The following SPMAP2 variants were observed in gnomAD, a reference collection of about 807,000 sequenced individuals.
SPMAP2 encodes the protein sperm microtubule associated protein 2.
At chr19:363,439 C>T in the SPMAP2 span, among the ~76,000 whole-genome samples, 52 of 152,218 alleles carry the variant, frequency 3.4e-4, no homozygotes, top group African/African-American at 7.5e-4. Flanking sequence ...GCGATCCGCC[C>T]GCCTCAGCCT....
At chr19:373,425 C>T in the SPMAP2 span, 801 of 1,601,448 alleles carry the variant, frequency 5.0e-4, 2 homozygotes, top group African/African-American at 8.1e-3. Flanking sequence ...CCCTGGAGGC[C>T]GGCAGCCGGG....
At chr19:375,481 G>A in the SPMAP2 span, among the ~76,000 whole-genome samples, 22 of 152,248 alleles carry the variant, frequency 1.4e-4, no homozygotes, top group South Asian at 4.2e-4. Context: ...GGTGCTGGCC[G>A]CCAACCGACC....
chr19:375,677 G>T, the SPMAP2 span: 1 of 1,583,684 alleles, frequency 6.3e-7, no homozygotes, highest in Non-Finnish European at 8.6e-7. Context: ...TTTCAGGAAT[G>T]TCCTCTTCCA....
chr19:374,192 C>G, the SPMAP2 span: 2 of 1,543,244 alleles, frequency 1.3e-6, no homozygotes, highest in Non-Finnish European at 1.8e-6. Context: ...GATGTGGTGG[C>G]AGCTGGGGGA....
chr19:369,569 C>T, the SPMAP2 span, among the ~76,000 whole-genome samples: 4 of 152,136 alleles, frequency 2.6e-5, no homozygotes, highest in East Asian at 1.9e-4. Flanking sequence ...TCTCCCCACC[C>T]GGAGAATGCA....
chr19:373,615 G>A, the SPMAP2 span: 7 of 1,387,286 alleles, frequency 5.0e-6, no homozygotes, highest in African/African-American at 1.5e-5. Flanking sequence ...TGCCAGGAGG[G>A]TGGCCGAGGT....
chr19:368,552 C>T, the SPMAP2 span, among the ~76,000 whole-genome samples: 2 of 152,166 alleles, frequency 1.3e-5, no homozygotes, highest in African/African-American at 2.4e-5. The surrounding 1 kb of genome is among the most constrained non-coding windows in gnomAD (Gnocchi z 4.1). Context: ...GGCCGACCCA[C>T]GCCTAACTGG....
chr19:373,454 C>T, the SPMAP2 span: 2 of 1,612,752 alleles, frequency 1.2e-6, no homozygotes. Flanking sequence ...TCTCAGCAGG[C>T]ACGGGCTCCA....
the SPMAP2 span, chr19:362,052 G>T: frequency 2.0e-6 from 1 of 497,582 alleles, no homozygotes; most frequent in Non-Finnish European, 3.4e-6. Context: ...TGGACAAGTC[G>T]CAGGTTGGAT....
At chr19:362,393 T>A in the SPMAP2 span, 1 of 1,608,248 alleles carries the variant, frequency 6.2e-7, no homozygotes, top group Non-Finnish European at 8.5e-7. Flanking sequence ...AGGATCTCGG[T>A]CAGGAACGCA....
At chr19:373,557 A>G in the SPMAP2 span, 1 of 1,609,702 alleles carries the variant, frequency 6.2e-7, no homozygotes, top group Non-Finnish European at 8.5e-7. Flanking sequence ...GGCTCAGGGC[A>G]AGGGAGGCAG....
the SPMAP2 span, among the ~76,000 whole-genome samples, chr19:375,136 C>T: frequency 1.3e-5 from 2 of 152,134 alleles, no homozygotes; most frequent in Non-Finnish European, 2.9e-5. Flanking sequence ...ATGTAGAGTG[C>T]GCGCCTTGCT....
chr19:373,852 G>C, the SPMAP2 span: 1 of 1,237,062 alleles, frequency 8.1e-7, no homozygotes, highest in Non-Finnish European at 1.2e-6. Context: ...TCCCTGGAGA[G>C]AGGAGGGTGG....
chr19:373,869 T>A, the SPMAP2 span: 3 of 1,421,962 alleles, frequency 2.1e-6, no homozygotes, highest in South Asian at 2.4e-5. Context: ...GTGGCTGGAG[T>A]GAAGGGGTCC....
chr19:363,747 C>A, the SPMAP2 span, among the ~76,000 whole-genome samples: 19 of 151,670 alleles, frequency 1.3e-4, no homozygotes, highest in Non-Finnish European at 5.9e-5. Context: ...GTTGGCCAGG[C>A]TGGTCTCGAA....
the SPMAP2 span, among the ~76,000 whole-genome samples, chr19:374,818 G>A: frequency 7.9e-4 from 121 of 152,346 alleles, 1 homozygote; most frequent in Middle Eastern, 6.8e-3. Context: ...TAAAGAGAGC[G>A]GCTCCTGCCT....
At chr19:362,473 A>T in the SPMAP2 span, 1 of 1,475,196 alleles carries the variant, frequency 6.8e-7, no homozygotes, top group Non-Finnish European at 9.2e-7. Flanking sequence ...CAAACCTCAA[A>T]GCTCCACATT....
the SPMAP2 span, among the ~76,000 whole-genome samples, chr19:365,545 A>T: frequency 1.7e-5 from 1 of 60,260 alleles, no homozygotes. Context: ...GAGCACACAC[A>T]CACAGCCACA....
the SPMAP2 span, among the ~76,000 whole-genome samples, chr19:365,996 C>T: frequency 6.6e-6 from 1 of 152,098 alleles, no homozygotes; most frequent in African/African-American, 2.4e-5. Flanking sequence ...CAAAAATTAG[C>T]CAGGAGTGAT....
Sources: allele counts gnomAD v4.1 joint callset (sites outside exome capture counted in the v4.1 genomes callset), GRCh38; gene constraint gnomAD v4.1.1; non-coding constraint Gnocchi (gnomAD v3.1); transcripts MANE v1.5; gene names NCBI Gene and HGNC (gene_info 2026-07-23, HGNC 2026-07-21).